CMTM8: variants seen among roughly 807,000 people sequenced by gnomAD.
CMTM8 encodes CKLF like MARVEL transmembrane domain containing 8, also known as CKLF-like MARVEL transmembrane domain-containing protein 8.
In CMTM8, 12 loss-of-function variants were observed where a neutral mutation model predicts 18.6. That is an observed-to-expected ratio of 0.65 (90% CI 0.41 to 1.05). The LOEUF is 1.05. Ranked by LOEUF, CMTM8 falls within the 50% of genes least tolerant of loss-of-function variation. The pLI is 0.00. For synonymous variants in CMTM8, 87 were observed against 90.6 expected, an observed-to-expected ratio of 0.96 and a Z score of 0.23; for missense variants, 217 against 227.2, an observed-to-expected ratio of 0.95 and a Z score of 0.29.
chr3:32,358,768 C>A lies in CMTM8; in HGVS notation c.321+1222C>A, dbSNP rs950406929. On this transcript the variant is annotated intron_variant, in intron 2 of 3. Transcript: ENST00000307526. This position sits in a 1 kb window ranked among gnomAD's most constrained non-coding sequence, Gnocchi z 4.1. ...AGCGTTGCAAGTTTGAAAAGTAATT[C>A]CAAATAAGGTGCTTAATCACTGTCT... 2.6e-5 allele frequency among the ~76,000 whole-genome samples: 4 copies of A among 152,164 alleles called. No individual in the cohort carries two copies. The highest frequency in any genetic ancestry group is 4.4e-5 in the Non-Finnish European group (3 of 68,028).
chr3:32,260,668 G>T (rs1415619471), intron 1 of CMTM8, among the ~76,000 whole-genome samples: 2 of 136,422 alleles, frequency 1.5e-5, no homozygotes. Context: ...TTTTTTTAAA[G>T]TTTTTTTTTT....
intron 1 of CMTM8, among the ~76,000 whole-genome samples, chr3:32,289,674 C>T (rs1476147716): frequency 2.6e-5 from 4 of 152,134 alleles, no homozygotes; most frequent in Admixed American, 2.0e-4. Context: ...AAATGTGGGA[C>T]CAGCCACCCA....
Position 32,347,392 on chromosome 3 carries a change from G to A in CMTM8, c.148-9981G>A, listed in dbSNP as rs1696620924. On this transcript the variant is annotated intron_variant, in intron 1 of 3. Transcript: ENST00000307526. ...GCTGGCTGGACCAGCACACGCTGAC[G>A]GGGCTGGACTATTTACAGGCCTATT... Among the ~76,000 whole-genome samples the A allele has an allele frequency of 2.7e-5, 4 of 150,404 alleles. No individual in the cohort carries two copies. In the South Asian group the frequency reaches 6.4e-4, roughly 24 times the overall value.
intron 1 of CMTM8, among the ~76,000 whole-genome samples, chr3:32,301,351 A>T (rs1390375875): frequency 6.9e-6 from 1 of 145,482 alleles, no homozygotes; most frequent in Non-Finnish European, 1.5e-5. Flanking sequence ...TTTCAAAAAA[A>T]AATTATACTT....
intron 1 of CMTM8, among the ~76,000 whole-genome samples, chr3:32,264,575 T>C (rs1380818062): frequency 6.6e-6 from 1 of 152,174 alleles, no homozygotes; most frequent in Non-Finnish European, 1.5e-5. Context: ...AACATCATAA[T>C]GACAGGATCA....
intron 1 of CMTM8, among the ~76,000 whole-genome samples, chr3:32,326,204 C>T (rs1218956873): frequency 6.6e-6 from 1 of 152,224 alleles, no homozygotes; most frequent in Non-Finnish European, 1.5e-5. Flanking sequence ...TCTCCCCATA[C>T]AGCCATTGGC....
intron 2 of CMTM8, among the ~76,000 whole-genome samples, chr3:32,357,859 A>G (rs970234887): frequency 2.0e-5 from 3 of 152,282 alleles, no homozygotes; most frequent in East Asian, 1.9e-4. Flanking sequence ...CCTGTGAACA[A>G]TGTCAACTGG....
rs548550344 is a variant in CMTM8 at position 32,306,947 on chromosome 3, G to A, written c.148-50426G>A. 1.5e-4 allele frequency among the ~76,000 whole-genome samples: 23 copies of A among 152,334 alleles called. 1 individual carries two copies. The South Asian group carries it at 3.3e-3, about 22-fold the overall frequency. On this transcript the variant is annotated intron_variant, in intron 1 of 3. Transcript: ENST00000307526. ...GAAGATGCCAGGCACAGTGTCTCAC[G>A]CCTGTAATCCCAACACTTTGGGAGG...
intron 1 of CMTM8, among the ~76,000 whole-genome samples, chr3:32,255,950 A>G (rs936646059): frequency 4.0e-5 from 6 of 151,778 alleles, no homozygotes; most frequent in African/African-American, 1.2e-4. Flanking sequence ...CTGGTCTCAA[A>G]CTCCTCGGCT....
intron 1 of CMTM8, among the ~76,000 whole-genome samples, chr3:32,273,692 G>A (rs186154998): frequency 8.9e-4 from 136 of 152,272 alleles, no homozygotes; most frequent in African/African-American, 3.2e-3. Flanking sequence ...GGAGAGGGAG[G>A]AATGGAGAGC....
chr3:32,241,640 T>A (rs542853956), intron 1 of CMTM8, among the ~76,000 whole-genome samples: 1 of 152,314 alleles, frequency 6.6e-6, no homozygotes, highest in Non-Finnish European at 1.5e-5. Flanking sequence ...GGGTATTAAA[T>A]GCATTTTTGA....
chr3:32,335,154 C>A (rs139288463), intron 1 of CMTM8, among the ~76,000 whole-genome samples: 1 of 152,158 alleles, frequency 6.6e-6, no homozygotes, highest in Admixed American at 6.5e-5. Context: ...CAGGCTCTTC[C>A]GTCAGAGATG....
In CMTM8 at chr3:32,369,989, A is replaced by C; in HGVS notation, c.*22A>C. 1 of 1,451,362 alleles carries C rather than the reference A, an allele frequency of 6.9e-7. No homozygotes were observed. Among genetic ancestry groups the C allele is most frequent in the South Asian group, 1.3e-5 (1 of 79,752 alleles). 89.9% of individuals were successfully genotyped at this position (1,451,362 alleles called of 1,614,324 possible). A position where few individuals can be genotyped will look rare whatever the true frequency, so the allele number is the denominator to read the frequency against. ...GTGATTTACCATTTTGATAATTAAA[A>C]GGAAAAAAAAAGGAAGACTCTCACT... On this transcript the variant is annotated 3_prime_UTR_variant, in exon 4 of 4. Coordinates refer to ENST00000307526, the MANE Select transcript of CMTM8 (RefSeq NM_178868.5).
intron 1 of CMTM8, among the ~76,000 whole-genome samples, chr3:32,298,959 T>TAC (rs1695554765): frequency 4.0e-5 from 4 of 99,038 alleles, no homozygotes; most frequent in African/African-American, 1.5e-4. Context: ...ATATATATTT[T>TAC]TTTTTTTTTA....
chr3:32,350,151 C>T (rs1472163475), intron 1 of CMTM8, among the ~76,000 whole-genome samples: 1 of 152,094 alleles, frequency 6.6e-6, no homozygotes, highest in East Asian at 1.9e-4. Flanking sequence ...AAGGACTTAG[C>T]GACTTTCAAA....
intron 1 of CMTM8, among the ~76,000 whole-genome samples, chr3:32,245,100 G>C (rs1701992379): frequency 6.6e-6 from 1 of 152,078 alleles, no homozygotes; most frequent in Non-Finnish European, 1.5e-5. Context: ...ATGAAATATG[G>C]ACCCATTGAT....
At chr3:32,329,934 T>G (rs1343408666) in intron 1 of CMTM8, among the ~76,000 whole-genome samples, 2 of 152,104 alleles carry the variant, frequency 1.3e-5, no homozygotes, top group African/African-American at 4.8e-5. Flanking sequence ...AAAAAATCAG[T>G]TGGCATTTCT....
At chr3:32,262,146 T>G (rs1257390646) in intron 1 of CMTM8, among the ~76,000 whole-genome samples, 2 of 152,098 alleles carry the variant, frequency 1.3e-5, no homozygotes, top group Non-Finnish European at 2.9e-5. Flanking sequence ...TTGCGAGTCA[T>G]GATATCACAT....
chr3:32,240,040 C>T (rs991327492), intron 1 of CMTM8, among the ~76,000 whole-genome samples: 2 of 152,206 alleles, frequency 1.3e-5, no homozygotes, highest in Non-Finnish European at 2.9e-5. Context: ...TTCCAGCTGC[C>T]CCAGCAGTGC....
Sources: gnomAD v4.1 joint callset for allele counts (sites outside exome capture counted in the v4.1 genomes callset) on GRCh38, gnomAD v4.1.1 for gene constraint, Gnocchi (gnomAD v3.1) non-coding constraint, MANE v1.5 for transcripts, NCBI Gene and HGNC (gene_info 2026-07-23, HGNC 2026-07-21) for gene names.